Variants in ENPP2 observed in about 807,000 individuals in gnomAD.
ENPP2 encodes the protein ectonucleotide pyrophosphatase/phosphodiesterase 2.
A neutral mutation model predicts 120.2 loss-of-function variants in ENPP2; 51 were observed. That is an observed-to-expected ratio of 0.42 (90% CI 0.34 to 0.54). The LOEUF (loss-of-function observed/expected upper bound fraction) is 0.54. Among genes scored for constraint, ENPP2 ranks in the 20% least tolerant of loss-of-function variants. The pLI, the probability that ENPP2 is intolerant of heterozygous loss-of-function variation, is 0.04. For missense variants in ENPP2, 920 were observed against 1,066.5 expected, an observed-to-expected ratio of 0.86 and a Z score of 1.91; for synonymous variants, 365 against 366.4, an observed-to-expected ratio of 1.00 and a Z score of 0.04.
chr8:119,587,243 G>C (rs1407862375), intron 13 of ENPP2, among the ~76,000 whole-genome samples, 168 bp from the exon 14 acceptor site: 1 of 152,196 alleles, frequency 6.6e-6, no homozygotes, highest in African/African-American at 2.4e-5. Context: ...TAACATTTCA[G>C]TCATTGACAT....
intron 24 of ENPP2, among the ~76,000 whole-genome samples, chr8:119,559,692 G>C (rs1399737810): frequency 6.6e-6 from 1 of 152,216 alleles, no homozygotes; most frequent in Admixed American, 6.5e-5. Context: ...CAGCAAGGTA[G>C]GGAGGACAGG....
At chr8:119,620,789 T>C (rs1815837160) in intron 4 of ENPP2, among the ~76,000 whole-genome samples, 1 of 152,228 alleles carries the variant, frequency 6.6e-6, no homozygotes, top group Non-Finnish European at 1.5e-5. Flanking sequence ...ATATATGGCT[T>C]TGGGGTATAA....
Position 119,616,301 on chromosome 8 carries a change from T to C in ENPP2, c.741A>G (p.Arg247=). 1 of 1,609,170 alleles carries C rather than the reference T, an allele frequency of 6.2e-7. No homozygotes were observed. Among genetic ancestry groups the C allele is most frequent in the Non-Finnish European group, 8.5e-7 (1 of 1,176,480 alleles). Residue 247 remains arginine, a synonymous_variant, in exon 8 of 25, where the codon CGA becomes CGG. Coordinates refer to ENST00000075322, the MANE Select transcript of ENPP2 (RefSeq NM_001040092.3). The part of the protein sequence containing the change: ...VFDATFHLRG[R]EKFNHRWWGG... ...CCCACCATCTATGATTAAATTTCTC[T>C]CGCCCTCGCAGATGAAAAGTGGCAT...
chr8:119,632,080 C>T (rs534373009), intron 2 of ENPP2, among the ~76,000 whole-genome samples: 4 of 152,282 alleles, frequency 2.6e-5, no homozygotes, highest in Non-Finnish European at 4.4e-5. Flanking sequence ...TTGTACCTGA[C>T]GTAATGTCAA....
intron 8 of ENPP2, among the ~76,000 whole-genome samples, chr8:119,608,482 T>C (rs1814875869): frequency 6.6e-6 from 1 of 152,240 alleles, no homozygotes; most frequent in South Asian, 2.1e-4. Context: ...TTTTTAATTT[T>C]GATTTTTCCT....
At chr8:119,620,636 T>C (rs1357009452) in intron 4 of ENPP2, among the ~76,000 whole-genome samples, 2 of 152,242 alleles carry the variant, frequency 1.3e-5, no homozygotes, top group African/African-American at 4.8e-5. Flanking sequence ...CATCAACTTC[T>C]ATAAGTGGGT....
chr8:119,565,714 A>AC (rs1814361732), intron 22 of ENPP2, among the ~76,000 whole-genome samples: 1 of 132,628 alleles, frequency 7.5e-6, no homozygotes, highest in Non-Finnish European at 1.6e-5. Flanking sequence ...TCCTGGTCTA[A>AC]CTTACCATCC....
At chr8:119,659,935 G>T (rs1386917030) in intron 1 of ENPP2, among the ~76,000 whole-genome samples, 2 of 152,162 alleles carry the variant, frequency 1.3e-5, no homozygotes, top group Non-Finnish European at 2.9e-5. Flanking sequence ...GAGGTTCAGG[G>T]TCCAGCAATC....
rs778703026 is a variant in ENPP2, at chr8:119,564,916, T to C, written c.2171A>G (p.Tyr724Cys). 1.2e-6 allele frequency: 2 copies of C among 1,613,518 alleles called. No homozygotes were observed. The highest frequency in any genetic ancestry group is 1.7e-5 in the Admixed American group (1 of 59,996). Reference sequence around the variant, plus strand: ...GTTAACTCCATTTCTTTCCGAAGCATATTTCTTCACCAATACCCTTTGGAA... The same window carrying C: ...GTTAACTCCATTTCTTTCCGAAGCACATTTCTTCACCAATACCCTTTGGAA... ...NYFQRVLVKK[Y>C]ASERNGVNVI... Residue 724 changes from tyrosine (Y) to cysteine (C), a missense_variant, in exon 23 of 25, where the codon TAT becomes TGT. Coordinates refer to ENST00000075322, the MANE Select transcript of ENPP2 (RefSeq NM_001040092.3).
intron 9 of ENPP2, among the ~76,000 whole-genome samples, chr8:119,607,064 T>C (rs1224699088): frequency 6.6e-6 from 1 of 152,090 alleles, no homozygotes; most frequent in Non-Finnish European, 1.5e-5. Flanking sequence ...ACTTTCTTAT[T>C]AGAAAAATCC....
At chr8:119,650,592 T>A (rs1041396723) in intron 1 of ENPP2, among the ~76,000 whole-genome samples, 1 of 152,180 alleles carries the variant, frequency 6.6e-6, no homozygotes, top group African/African-American at 2.4e-5. Context: ...TTTTCAGTTC[T>A]CAGGTTCATG....
intron 24 of ENPP2, among the ~76,000 whole-genome samples, chr8:119,562,212 G>T (rs1037440934): frequency 1.3e-5 from 2 of 151,932 alleles, no homozygotes; most frequent in Non-Finnish European, 1.5e-5. Flanking sequence ...GGAAGCCAAG[G>T]CAGGTGGATC....
intron 4 of ENPP2, among the ~76,000 whole-genome samples, 172 bp downstream of exon 4, chr8:119,621,222 T>C (rs1815870881): frequency 1.3e-5 from 2 of 152,196 alleles, no homozygotes; most frequent in South Asian, 4.1e-4. Flanking sequence ...TTCAGATCAG[T>C]GAAATACAGA....
chr8:119,644,615 TATATATATATACAC>T (rs1199965999), intron 1 of ENPP2, among the ~76,000 whole-genome samples: 2 of 103,118 alleles, frequency 1.9e-5, no homozygotes, highest in African/African-American at 4.1e-5. Context: ...TATATATATA[TATATATATATACAC>T]ACACACACAC....
intron 15 of ENPP2, 116 bp from the exon 16 acceptor site, chr8:119,584,165 T>TGTCCTGAATGGTAATGCCTAGG: frequency 1.5e-6 from 1 of 672,682 alleles, no homozygotes; most frequent in Non-Finnish European, 2.6e-6. Flanking sequence ...TTTGCCTCTA[T>TGTCCTGAATGGTAATGCCTAGG]TTTAATTGCA....
chr8:119,630,515 T>C (rs1260843128), intron 2 of ENPP2, among the ~76,000 whole-genome samples: 1 of 152,254 alleles, frequency 6.6e-6, no homozygotes, highest in African/African-American at 2.4e-5. Flanking sequence ...TTAATCATTC[T>C]CTAAATTTGT....
intron 4 of ENPP2, 152 bp from the exon 5 acceptor site, chr8:119,619,456 TG>T: frequency 1.7e-6 from 1 of 597,946 alleles, no homozygotes; most frequent in African/African-American, 1.9e-5. Context: ...ATCTAGTGTC[TG>T]GTTTGGCTTA....
Position 119,617,238 on chromosome 8 carries a change from A to G in ENPP2, c.583T>C (p.Cys195Arg). The G allele has an allele frequency of 6.2e-7, 1 of 1,612,086 alleles. No homozygotes were observed. The change falls in exon 7 of 25, where the codon TGT (cysteine) becomes CGT (arginine). Residue 195 changes from cysteine (C) to arginine (R), a missense_variant. Transcript: ENST00000075322. ...VMPNIEKLRS[C>R]GTHSPYMRPV... ...CTCATGTAGGGAGAGTGTGTGCCAC[A>G]AGACCCTGGAAAGAGAATTGCAAAT...
chr8:119,598,074 G>C (rs1814029572), intron 11 of ENPP2, among the ~76,000 whole-genome samples: 1 of 152,142 alleles, frequency 6.6e-6, no homozygotes, highest in South Asian at 2.1e-4. Context: ...TATATAGGTA[G>C]GCATATAGGA....
Sources: allele counts gnomAD v4.1 joint callset (sites outside exome capture counted in the v4.1 genomes callset), GRCh38; gene constraint gnomAD v4.1.1; transcripts MANE v1.5; gene names NCBI Gene and HGNC (gene_info 2026-07-23, HGNC 2026-07-21).